The following GOLGA2 variants were observed in gnomAD, a reference collection of about 807,000 sequenced individuals.
GOLGA2 encodes the protein golgin subfamily A member 2.
GOLGA2 carries 49 observed loss-of-function variants against 148.8 expected under a neutral mutation model. The observed-to-expected ratio is 0.33, with a 90% confidence interval of 0.26 to 0.42. The LOEUF (loss-of-function observed/expected upper bound fraction) is 0.42. GOLGA2 is among the 10% of genes least tolerant of loss of function. The pLI, the probability that GOLGA2 is intolerant of heterozygous loss-of-function variation, is 1.00. For synonymous variants in GOLGA2, 501 were observed against 511.8 expected (o/e 0.98, Z 0.28); for missense variants, 1,178 against 1,304.6 (o/e 0.90, Z 1.49).
At position 128,257,224 on chromosome 9, in the gene GOLGA2, T is replaced by A. The variant is rs748914663; in HGVS notation, c.2933A>T (p.Glu978Val). ...SVEPAQGEAREGSPRDNPTAQ... is the reference protein window; with the variant it reads ...SVEPAQGEARVGSPRDNPTAQ... ...AGTGGGGTTGTCACGGGGAGAACCCTCCCTGGCCTCTCCTTGGGCAGGCTC... is the reference window on the plus strand; with the variant it reads ...AGTGGGGTTGTCACGGGGAGAACCCACCCTGGCCTCTCCTTGGGCAGGCTC... The change falls in exon 27 of 27, where the codon GAG (glutamate) becomes GTG (valine). Residue 978 changes from glutamate (E) to valine (V), a missense_variant. Physicochemically the swap from Glu to Val is moderately radical, Grantham distance 121. Around this residue, in one of 5 missense-constraint regions of GOLGA2, gnomAD observed 149 missense variants for 154.9 expected, o/e 0.96. Coordinates refer to ENST00000611957, the MANE Select transcript of GOLGA2 (RefSeq NM_001366244.2). This position sits in a 1 kb window ranked among gnomAD's most constrained non-coding sequence, Gnocchi z 8.0. 30 of 1,613,632 alleles carry A rather than the reference T, an allele frequency of 1.9e-5. No homozygotes were observed. The highest frequency in any genetic ancestry group is 2.4e-5 in the Non-Finnish European group (28 of 1,179,934).
chr9:128,273,594 A>C, intron 2 of GOLGA2: 1 of 537,694 alleles, frequency 1.9e-6, no homozygotes, highest in South Asian at 3.0e-5. Context: ...TGTACTAGGG[A>C]TTAACATAAA....
At chr9:128,267,611 C>A (rs749058250) in intron 6 of GOLGA2, 94 bp from the exon 7 acceptor site, 3 of 938,548 alleles carry the variant, frequency 3.2e-6, no homozygotes, top group Non-Finnish European at 5.2e-6. Flanking sequence ...GCAACATTTT[C>A]TTTTCTAACT....
In GOLGA2 at chr9:128,266,960, G is replaced by GC; in HGVS notation, c.642+233dup. 1.7e-6 allele frequency: 1 copy of GC among 596,674 alleles called. No homozygotes were observed. Among genetic ancestry groups the GC allele is most frequent in the Non-Finnish European group, 3.0e-6 (1 of 332,154 alleles). The allele number at this position is 596,674 out of a possible 1,614,324, so 37.0% of individuals were successfully genotyped here. On this transcript the variant is annotated intron_variant, in intron 8 of 26. Transcript: ENST00000611957. The surrounding 1 kb of genome is among the most constrained non-coding windows in gnomAD (Gnocchi z 4.2). ...AGGCAACAACCCCAGGGCGTGTGTG[G>GC]CAAGGACTCGAGCAGGGGTGTCTAG...
intron 3 of GOLGA2, among the ~76,000 whole-genome samples, chr9:128,269,009 T>TC (rs891989646): frequency 6.6e-6 from 1 of 152,132 alleles, no homozygotes; most frequent in Admixed American, 6.5e-5. Flanking sequence ...CCTTCCCTTC[T>TC]CCCCTGCAGT....
In GOLGA2 at chr9:128,260,082, C is replaced by T. The variant is rs1327594444; in HGVS notation, c.1866G>A (p.Lys622=). ...TTGGATGGGGCGGGGTTACCGTTTC[C>T]TTCAGCTCGCTCAGCTTCTCCTGCA... is the stretch of plus-strand genomic sequence containing the variant. The part of the protein sequence containing the change: ...GELQEKLSEL[K]ETVELKSQEA... The change falls in exon 19 of 27, where the codon AAG becomes AAA. Residue 622 remains lysine, a synonymous_variant. Transcript: ENST00000611957. The surrounding 1 kb of genome is among the most constrained non-coding windows in gnomAD (Gnocchi z 4.8). 10 of 1,607,800 alleles carry T rather than the reference C, an allele frequency of 6.2e-6. No homozygotes were observed. The highest frequency in any genetic ancestry group is 8.5e-6 in the Non-Finnish European group (10 of 1,177,958).
chr9:128,257,215 G>C lies in GOLGA2; in HGVS notation c.2942C>G (p.Pro981Arg). 1 of 1,613,884 alleles carries C rather than the reference G, an allele frequency of 6.2e-7. No individual in the cohort carries two copies. Among genetic ancestry groups the C allele is most frequent in the Non-Finnish European group, 8.5e-7 (1 of 1,179,958 alleles). The change falls in exon 27 of 27, where the codon CCC (proline) becomes CGC (arginine). Residue 981 changes from proline to arginine, a missense_variant. Pro to Arg is a moderately radical substitution (Grantham distance 103). Coordinates refer to ENST00000611957, the MANE Select transcript of GOLGA2 (RefSeq NM_001366244.2). The surrounding 1 kb of genome is among the most constrained non-coding windows in gnomAD (Gnocchi z 8.0). ...PAQGEAREGSPRDNPTAQQIM... is the reference protein window; with the variant it reads ...PAQGEAREGSRRDNPTAQQIM... ...CTGCTGTGCAGTGGGGTTGTCACGG[G>C]GAGAACCCTCCCTGGCCTCTCCTTG...
Position 128,260,537 on chromosome 9 carries a change from G to C in GOLGA2, c.1686C>G (p.Ile562Met). 6.2e-7 allele frequency: 1 copy of C among 1,613,380 alleles called. No homozygotes were observed. Among genetic ancestry groups the C allele is most frequent in the Non-Finnish European group, 8.5e-7 (1 of 1,180,016 alleles). ...LETMQNDRTT[I>M]SRALSQNREL... Reference sequence around the variant, plus strand: ...CCCGGTTCTGGGAGAGTGCGCGGCTGATGGTAGTGCGGTCGTTCTGCATGG... The same window carrying C: ...CCCGGTTCTGGGAGAGTGCGCGGCTCATGGTAGTGCGGTCGTTCTGCATGG... The change falls in exon 18 of 27, where the codon ATC becomes ATG. Residue 562 changes from isoleucine to methionine, a missense_variant. Transcript: ENST00000611957. This position sits in a 1 kb window ranked among gnomAD's most constrained non-coding sequence, Gnocchi z 4.8.
chr9:128,257,277 A>G lies in GOLGA2; in HGVS notation c.2880T>C (p.Leu960=). The G allele has an allele frequency of 6.2e-7, 1 of 1,612,264 alleles. No individual in the cohort carries two copies. Among genetic ancestry groups the G allele is most frequent in the Non-Finnish European group, 8.5e-7 (1 of 1,179,518 alleles). Residue 960 remains leucine (L), a synonymous_variant, in exon 27 of 27, where the codon CTT becomes CTC. Coordinates refer to ENST00000611957, the MANE Select transcript of GOLGA2 (RefSeq NM_001366244.2). The surrounding 1 kb of genome is among the most constrained non-coding windows in gnomAD (Gnocchi z 8.0). ...CACTGCCGGCGAGGCTCACCTCGCA[A>G]AGATCTTTGGAGAGAGAGAGGCAGG... ...ELGAANQQGD[L]CEVSLAGSVE... is the part of the protein sequence containing the mutation.
In GOLGA2 at chr9:128,258,997, G is replaced by A. The variant is rs201571055; in HGVS notation, c.2173+10C>T. ...GGCTCTCTCCTCTTCCTGTGAGCAG[G>A]TTCCCGTACCTTCCCCAGGGTGAGC... is the stretch of plus-strand genomic sequence containing the variant. On this transcript the variant is annotated intron_variant, in intron 21 of 26. Transcript: ENST00000611957. This position sits in a 1 kb window ranked among gnomAD's most constrained non-coding sequence, Gnocchi z 6.6. 3 of 1,554,164 alleles carry A rather than the reference G, an allele frequency of 1.9e-6. No individual in the cohort carries two copies. Among genetic ancestry groups the A allele is most frequent in the East Asian group, 2.2e-5 (1 of 44,638 alleles).
intron 12 of GOLGA2, among the ~76,000 whole-genome samples, chr9:128,263,563 C>G (rs7855784): frequency 0.41 from 61,642 of 151,662 alleles, 15,396 homozygotes; most frequent in African/African-American, 0.71. Flanking sequence ...GACTACAGGC[C>G]CCCGCCACCA....
chr9:128,273,983 GAA>G lies in GOLGA2; in HGVS notation c.85-13_85-12del, dbSNP rs1449896563. The G allele has an allele frequency of 1.2e-6, 2 of 1,609,368 alleles. No homozygotes were observed. The highest frequency in any genetic ancestry group is 1.7e-6 in the Non-Finnish European group (2 of 1,176,862). ...CTGATATTCTCTCAACTGTGGAAAA[GAA>G]GAGCAATAATATTCATGAGATCTAC... On this transcript the variant is annotated splice_polypyrimidine_tract_variant and intron_variant, in intron 1 of 26. Transcript: ENST00000611957.
chr9:128,258,676 G>T lies in GOLGA2; in HGVS notation c.2174-106C>A. The T allele has an allele frequency of 1.3e-6, 1 of 759,900 alleles. No individual in the cohort carries two copies. Among genetic ancestry groups the T allele is most frequent in the Non-Finnish European group, 2.1e-6 (1 of 469,470 alleles). The allele number at this position is 759,900 out of a possible 1,614,324, so 47.1% of individuals were successfully genotyped here. On this transcript the variant is annotated intron_variant, in intron 21 of 26. Transcript: ENST00000611957. This position sits in a 1 kb window ranked among gnomAD's most constrained non-coding sequence, Gnocchi z 6.6. The stretch of plus-strand genomic sequence containing the variant: ...AACCCTGGGCCAGCCCCTCCCCAGA[G>T]GGAAATAAGCATCTGTTCTTTATTT...
chr9:128,275,797 C>T, intron 1 of GOLGA2, 96 bp downstream of exon 1: 1 of 683,716 alleles, frequency 1.5e-6, no homozygotes, highest in Non-Finnish European at 2.4e-6. Context: ...GAGCCCAGCC[C>T]GGTGTGCCTC....
chr9:128,274,978 T>C (rs549256640), intron 1 of GOLGA2, among the ~76,000 whole-genome samples: 94 of 152,126 alleles, frequency 6.2e-4, no homozygotes, highest in African/African-American at 2.2e-3. Flanking sequence ...GGCACTCTGG[T>C]CCCAGAACCA....
At chr9:128,265,716 G>A (rs55782374) in intron 11 of GOLGA2, 25 bp from the exon 12 acceptor site, 1 of 1,611,402 alleles carries the variant, frequency 6.2e-7, no homozygotes, top group South Asian at 1.1e-5. Context: ...GTTGAGATGG[G>A]GCCCAAAGGA....
chr9:128,259,672 T>A (rs1052160222), intron 19 of GOLGA2, among the ~76,000 whole-genome samples: 17 of 152,246 alleles, frequency 1.1e-4, no homozygotes, highest in African/African-American at 4.1e-4. Context: ...GCTTTCCACG[T>A]ATTATCTCAT....
intron 3 of GOLGA2, 99 bp from the exon 4 acceptor site, chr9:128,268,623 C>T (rs918325507): frequency 5.9e-6 from 4 of 678,666 alleles, no homozygotes; most frequent in Non-Finnish European, 1.1e-5. Context: ...GGTGTTGCTG[C>T]AGTCAGAGTG....
rs773364192 is a variant in GOLGA2 at position 128,258,424 on chromosome 9, G to A, written c.2289+31C>T. 1.9e-6 allele frequency: 3 copies of A among 1,578,742 alleles called. No homozygotes were observed. The highest frequency in any genetic ancestry group is 1.7e-5 in the Admixed American group (1 of 59,812). On this transcript the variant is annotated intron_variant, in intron 22 of 26. Coordinates refer to ENST00000611957, the MANE Select transcript of GOLGA2 (RefSeq NM_001366244.2). This position sits in a 1 kb window ranked among gnomAD's most constrained non-coding sequence, Gnocchi z 6.6. ...CTGGGAGGGACCACAGAGGGAGGCA[G>A]CAAAGGTTGGGGAGGGGGAGTCAGC...
At chr9:128,263,967 T>C (rs866690125) in intron 12 of GOLGA2, among the ~76,000 whole-genome samples, 150 of 146,238 alleles carry the variant, frequency 1.0e-3, no homozygotes, top group Middle Eastern at 3.6e-3. Context: ...CCATCCTGGC[T>C]AACACGGTGA....
Sources: allele counts gnomAD v4.1 joint callset (sites outside exome capture counted in the v4.1 genomes callset), GRCh38; gene constraint gnomAD v4.1.1; regional missense constraint gnomAD v4.1.1; non-coding constraint Gnocchi (gnomAD v3.1); transcripts MANE v1.5; gene names NCBI Gene and HGNC (gene_info 2026-07-23, HGNC 2026-07-21).